The following HDGF variants were observed in gnomAD, a reference collection of about 807,000 sequenced individuals.
HDGF encodes the protein heparin binding growth factor.
HDGF carries 5 observed loss-of-function variants against 30.0 expected under a neutral mutation model. That is an observed-to-expected ratio of 0.17 (90% CI 0.09 to 0.35). The LOEUF (loss-of-function observed/expected upper bound fraction) is 0.35. Ranked by LOEUF, HDGF falls within the 10% of genes least tolerant of loss-of-function variation. HDGF has a pLI of 1.00. For synonymous variants in HDGF, 133 were observed against 112.7 expected (o/e 1.18, Z -1.14); for missense variants, 214 against 302.8 (o/e 0.71, Z 2.18).
upstream of HDGF, chr1:156,751,852 G>C (rs1021933431): frequency 1.2e-6 from 1 of 845,958 alleles, no homozygotes; most frequent in Admixed American, 4.8e-5. This position sits in a 1 kb window ranked among gnomAD's most constrained non-coding sequence, Gnocchi z 4.7. Context: ...GGCCTGCCAC[G>C]GCCCAACGCC....
intron 1 of HDGF, among the ~76,000 whole-genome samples, chr1:156,760,526 T>C (rs2102739913): frequency 6.6e-6 from 1 of 152,370 alleles, no homozygotes; most frequent in Non-Finnish European, 1.5e-5. Flanking sequence ...ACATTGCCTA[T>C]GGGCTCAGGG....
At chr1:156,743,535 A>T in intron 5 of HDGF, 80 bp from the exon 6 acceptor site, 1 of 1,584,758 alleles carries the variant, frequency 6.3e-7, no homozygotes, top group Non-Finnish European at 8.6e-7. Context: ...CCGGTCTCCT[A>T]GGAGAGCCCA....
In HDGF at chr1:156,743,694, G is replaced by A; in HGVS notation, c.674C>T (p.Thr225Ile). 6.2e-7 allele frequency: 1 copy of A among 1,611,076 alleles called. No homozygotes were observed. Among genetic ancestry groups the A allele is most frequent in the South Asian group, 1.1e-5 (1 of 90,720 alleles). ...GCCTGGGGCCTCAGCATCTTCCTTG[G>A]TAGCCTCTTCCTCTTCATCCTCCTC... ...EEEEDEEEEA[T>I]KEDAEAPGIR... The change falls in exon 5 of 6, where the codon ACC becomes ATC. Residue 225 changes from threonine (T) to isoleucine (I), a missense_variant. By Grantham distance (89) the Thr-to-Ile change is moderately conservative (BLOSUM62 -1). This residue lies in a region of HDGF where 176 missense variants were observed against 211.7 expected (regional missense o/e 0.83). Transcript: ENST00000357325.
chr1:156,752,086 G>T, upstream of HDGF: 2 of 1,551,534 alleles, frequency 1.3e-6, no homozygotes, highest in Non-Finnish European at 1.7e-6. Context: ...CACGGTTTCC[G>T]CCTGCCCTCT....
chr1:156,752,705 C>G (rs746735978), upstream of HDGF, among the ~76,000 whole-genome samples: 2 of 152,198 alleles, frequency 1.3e-5, no homozygotes, highest in Non-Finnish European at 2.9e-5. Flanking sequence ...CTAAATAAGA[C>G]TTTATTGTAA....
chr1:156,759,473 C>A (rs1385999463), intron 1 of HDGF, among the ~76,000 whole-genome samples: 1 of 150,662 alleles, frequency 6.6e-6, no homozygotes, highest in Admixed American at 6.8e-5. Context: ...CATCTCATAC[C>A]CCATTCTTTT....
rs73002719 is a variant in HDGF at position 156,743,915 on chromosome 1, G to A, written c.490-37C>T. The A allele has an allele frequency of 6.2e-5, 93 of 1,510,166 alleles. No homozygotes were observed. The African/African-American group carries it at 1.2e-3, about 20-fold the overall frequency. 93.5% of individuals were successfully genotyped at this position (1,510,166 alleles called of 1,614,324 possible). A position where few individuals can be genotyped will look rare whatever the true frequency, so the allele number is the denominator to read the frequency against. On this transcript the variant is annotated intron_variant, in intron 4 of 5. Transcript: ENST00000357325. ...CAACAGAGGAAGTGGGCTGAGGCTG[G>A]AGAGGGAGGCCACCAGCCACCCACT...
At chr1:156,750,304 C>T (rs570931922) in intron 1 of HDGF, among the ~76,000 whole-genome samples, 92 of 152,292 alleles carry the variant, frequency 6.0e-4, no homozygotes, top group Non-Finnish European at 1.0e-3. Context: ...CCCCTCTACA[C>T]CAACTTTAAG....
At position 156,742,751 on chromosome 1, in the gene HDGF, T is replaced by C. The variant is rs1650216101; in HGVS notation, c.*698A>G. On this transcript the variant is annotated 3_prime_UTR_variant, in exon 6 of 6. Transcript: ENST00000357325. The stretch of plus-strand genomic sequence containing the variant: ...ATGGGTAAAGTCAACCCTTCAGGTC[T>C]CAGGTCCTTGGCCCGAACAACTTGG... The C allele has an allele frequency of 6.5e-6, 1 of 154,746 alleles. No homozygotes were observed. The highest frequency in any genetic ancestry group is 2.4e-5 in the African/African-American group (1 of 41,482). The allele number at this position is 154,746 out of a possible 1,614,324, so 9.6% of individuals were successfully genotyped here.
upstream of HDGF, among the ~76,000 whole-genome samples, chr1:156,756,166 C>T (rs1385732554): frequency 2.6e-5 from 4 of 152,100 alleles, no homozygotes; most frequent in African/African-American, 4.8e-5. Flanking sequence ...GTGGGAGAAT[C>T]GCCTGAACCC....
intron 4 of HDGF, 69 bp from the exon 5 acceptor site, chr1:156,743,947 C>T: frequency 8.2e-7 from 1 of 1,218,902 alleles, no homozygotes; most frequent in South Asian, 1.2e-5. Flanking sequence ...CACTCCTCTC[C>T]TCCGGGGCTC....
chr1:156,759,830 TGTTA>T (rs1451925291), intron 1 of HDGF, among the ~76,000 whole-genome samples: 3 of 152,226 alleles, frequency 2.0e-5, no homozygotes, highest in African/African-American at 7.2e-5. Flanking sequence ...TGTCATAAAT[TGTTA>T]GTTTACTTGC....
At chr1:156,750,110 T>G (rs919670578) in intron 1 of HDGF, among the ~76,000 whole-genome samples, 2 of 151,960 alleles carry the variant, frequency 1.3e-5, no homozygotes, top group South Asian at 4.1e-4. Context: ...CGAGGAAGGG[T>G]CTCTGAGTTT....
intron 1 of HDGF, 61 bp from the exon 2 acceptor site, chr1:156,745,434 G>A: frequency 2.2e-6 from 3 of 1,393,394 alleles, no homozygotes; most frequent in Non-Finnish European, 3.0e-6. Flanking sequence ...CTGAGGCAGG[G>A]GTGCTGACCT....
Position 156,742,111 on chromosome 1 carries a change from G to C in HDGF, c.*1338C>G, listed in dbSNP as rs369139530. The C allele has an allele frequency of 6.6e-6, 1 of 152,618 alleles. No homozygotes were observed. Among genetic ancestry groups the C allele is most frequent in the African/African-American group, 2.4e-5 (1 of 41,436 alleles). 9.5% of individuals were successfully genotyped at this position (152,618 alleles called of 1,614,324 possible). On this transcript the variant is annotated 3_prime_UTR_variant, in exon 6 of 6. Coordinates refer to ENST00000357325, the MANE Select transcript of HDGF (RefSeq NM_004494.3). ...AAAGAATCAGTCAGAATCCAATATAGTAATCAACGGGTTTTATTTTCCTAG... is the reference window on the plus strand; with the variant it reads ...AAAGAATCAGTCAGAATCCAATATACTAATCAACGGGTTTTATTTTCCTAG...
At chr1:156,755,244 G>A (rs1442559588), upstream of HDGF, among the ~76,000 whole-genome samples, 1 of 152,234 alleles carries the variant, frequency 6.6e-6, no homozygotes, top group African/African-American at 2.4e-5. Flanking sequence ...GTTGTGGGGT[G>A]CAGATCTGGC....
intron 1 of HDGF, among the ~76,000 whole-genome samples, chr1:156,759,863 T>C (rs982721032): frequency 1.3e-5 from 2 of 152,228 alleles, no homozygotes; most frequent in Admixed American, 6.5e-5. Context: ...ACTAGAACTA[T>C]TACAAATTAT....
rs199960326 is a variant in HDGF at position 156,742,897 on chromosome 1, GTCCCACT to G, written c.*545_*551del. 810 of 155,070 alleles carry G rather than the reference GTCCCACT, an allele frequency of 5.2e-3. 3 individuals carry two copies. The highest frequency in any genetic ancestry group is 9.3e-3 in the Admixed American group (143 of 15,314). The allele number at this position is 155,070 out of a possible 1,614,324, so 9.6% of individuals were successfully genotyped here. On this transcript the variant is annotated 3_prime_UTR_variant, in exon 6 of 6. Transcript: ENST00000357325. Reference sequence around the variant, plus strand: ...GAAAGGAGCCCCTCCCCTACAAGCTGTCCCACTTTCCCTGAATCTAGGCAGCTGGGAT... The same window carrying G: ...GAAAGGAGCCCCTCCCCTACAAGCTGTTCCCTGAATCTAGGCAGCTGGGAT...
chr1:156,765,620 G>A (rs11587469), intron 1 of HDGF, among the ~76,000 whole-genome samples: 50,178 of 150,424 alleles, frequency 0.33, 10,143 homozygotes, highest in East Asian at 0.73. Context: ...GCTTACAGGC[G>A]CCCGCCACCA....
Sources: gnomAD v4.1 joint callset for allele counts (sites outside exome capture counted in the v4.1 genomes callset) on GRCh38, gnomAD v4.1.1 for gene constraint, gnomAD v4.1.1 regional missense constraint, Gnocchi (gnomAD v3.1) non-coding constraint, MANE v1.5 for transcripts, NCBI Gene and HGNC (gene_info 2026-07-23, HGNC 2026-07-21) for gene names.